The following CALN1 variants were observed in gnomAD, a reference collection of about 807,000 sequenced individuals.
CALN1 encodes calcium-binding protein 8.
Under a neutral mutation model 30.6 loss-of-function variants are expected in CALN1, and 17 were observed. The ratio of observed to expected loss-of-function variants is 0.56; its 90% CI spans 0.38 to 0.83. CALN1 has a LOEUF of 0.83. Among genes scored for constraint, CALN1 ranks in the 40% least tolerant of loss-of-function variants. The probability of loss-of-function intolerance (pLI) is 0.00; values close to 1 mark genes in which losing one functional copy is unlikely to be tolerated. For missense variants in CALN1, 291 were observed against 354.9 expected, an observed-to-expected ratio of 0.82 and a Z score of 1.45; for synonymous variants, 156 against 131.4, an observed-to-expected ratio of 1.19 and a Z score of -1.28.
At chr7:72,068,387 T>C (rs1373472725) in intron 4 of CALN1, among the ~76,000 whole-genome samples, 1 of 152,214 alleles carries the variant, frequency 6.6e-6, no homozygotes, top group Non-Finnish European at 1.5e-5. Flanking sequence ...GCACACCACT[T>C]TGAATCCCAG....
chr7:72,227,536 T>G (rs1793771291), intron 3 of CALN1, among the ~76,000 whole-genome samples: 1 of 115,668 alleles, frequency 8.6e-6, no homozygotes, highest in Admixed American at 8.9e-5. Flanking sequence ...AAAGACTCCG[T>G]CTCAAAAAAA....
intron 2 of CALN1, among the ~76,000 whole-genome samples, chr7:72,349,285 TGTG>T (rs1802803937): frequency 2.7e-4 from 2 of 7,510 alleles, no homozygotes; most frequent in Non-Finnish European, 7.7e-4. Context: ...CGCGTGCTTG[TGTG>T]TGTGTGTGTG....
At chr7:71,869,248 T>C (rs957564817) in intron 5 of CALN1, among the ~76,000 whole-genome samples, 11 of 152,048 alleles carry the variant, frequency 7.2e-5, no homozygotes, top group Admixed American at 2.0e-4. Context: ...TTCACTCTTG[T>C]TGCCCAAGCT....
chr7:72,264,443 G>C (rs1455808902), intron 3 of CALN1, among the ~76,000 whole-genome samples: 1 of 151,898 alleles, frequency 6.6e-6, no homozygotes, highest in Non-Finnish European at 1.5e-5. Flanking sequence ...TTATAGATCT[G>C]TCTGTAGATC....
chr7:72,297,839 C>T (rs1465431915), intron 2 of CALN1, among the ~76,000 whole-genome samples: 2 of 152,150 alleles, frequency 1.3e-5, no homozygotes. Flanking sequence ...TCTTCCCTAA[C>T]GTCAACAGAT....
intron 3 of CALN1, among the ~76,000 whole-genome samples, chr7:72,254,637 A>T (rs1795792850): frequency 1.3e-5 from 2 of 151,976 alleles, no homozygotes; most frequent in Admixed American, 1.3e-4. Flanking sequence ...TTGTTTTTTT[A>T]TTTTTATTTT....
At chr7:72,445,105 C>CAA (rs528780799) in intron 1 of CALN1, among the ~76,000 whole-genome samples, 5 of 128,990 alleles carry the variant, frequency 3.9e-5, no homozygotes, top group African/African-American at 1.6e-4. Flanking sequence ...CACACACACA[C>CAA]AACATTAAGT....
rs566565270 is a variant in CALN1, at chr7:72,258,249, G to A, written c.244+20437C>T. The stretch of plus-strand genomic sequence containing the variant: ...GCAAGAAGTCAAGCTCCTTATCCAT[G>A]GGGCAGCCCTAATTATAGGCAGGCA... On this transcript the variant is annotated intron_variant, in intron 3 of 6. Transcript: ENST00000395275. 2.8e-3 allele frequency among the ~76,000 whole-genome samples: 419 copies of A among 152,250 alleles called. 2 individuals carry two copies. The highest frequency in any genetic ancestry group is 3.7e-3 in the Admixed American group (57 of 15,290).
intron 3 of CALN1, among the ~76,000 whole-genome samples, chr7:72,265,925 G>A (rs977032426): frequency 6.6e-6 from 1 of 152,002 alleles, no homozygotes; most frequent in Non-Finnish European, 1.5e-5. Context: ...TTTGAGCCTA[G>A]GAGTTCCAGA....
intron 3 of CALN1, among the ~76,000 whole-genome samples, chr7:72,236,104 GA>G (rs1794462761): frequency 1.4e-5 from 2 of 147,570 alleles, no homozygotes; most frequent in Admixed American, 6.8e-5. Flanking sequence ...AAGAAAGAAA[GA>G]AAAAAGAAAA....
At chr7:72,135,301 T>C (rs2129543071) in intron 3 of CALN1, among the ~76,000 whole-genome samples, 1 of 152,318 alleles carries the variant, frequency 6.6e-6, no homozygotes, top group African/African-American at 2.4e-5. Flanking sequence ...GGCTTTAAAT[T>C]TACATTGCCC....
At chr7:71,912,873 C>G (rs1477788800) in intron 5 of CALN1, among the ~76,000 whole-genome samples, 1 of 152,136 alleles carries the variant, frequency 6.6e-6, no homozygotes, top group Non-Finnish European at 1.5e-5. Context: ...AAAAACAATC[C>G]ATAAATGAGA....
intron 5 of CALN1, among the ~76,000 whole-genome samples, chr7:71,920,735 T>C (rs1464371834): frequency 6.6e-6 from 1 of 152,196 alleles, no homozygotes; most frequent in East Asian, 1.9e-4. Context: ...GCCTGACACA[T>C]ACCTGATTAA....
chr7:71,938,347 T>C (rs1254906177), intron 5 of CALN1, among the ~76,000 whole-genome samples: 1 of 151,962 alleles, frequency 6.6e-6, no homozygotes, highest in Non-Finnish European at 1.5e-5. Context: ...AAACATTGGG[T>C]AAATAAATCA....
chr7:71,818,860 C>A (rs1347988412), intron 5 of CALN1, among the ~76,000 whole-genome samples: 6 of 151,760 alleles, frequency 4.0e-5, no homozygotes, highest in Non-Finnish European at 8.8e-5. Context: ...CAGGTGTGCA[C>A]CACCATGTCT....
chr7:72,342,079 G>A, intron 2 of CALN1, among the ~76,000 whole-genome samples: 1 of 151,910 alleles, frequency 6.6e-6, no homozygotes. Flanking sequence ...AACATAGGGA[G>A]ACCCCATCTC....
intron 1 of CALN1, among the ~76,000 whole-genome samples, chr7:72,408,560 A>T (rs560123910): frequency 2.0e-5 from 3 of 152,128 alleles, no homozygotes; most frequent in Non-Finnish European, 4.4e-5. Context: ...GGCCCTGGTC[A>T]TCATGGATAA....
chr7:72,353,252 C>CTG (rs1803036904), intron 2 of CALN1, among the ~76,000 whole-genome samples: 1 of 127,344 alleles, frequency 7.9e-6, no homozygotes, highest in Non-Finnish European at 1.8e-5. Context: ...TATGAGGCTA[C>CTG]TGTCTCTCTG....
At chr7:72,126,743 A>G (rs528766861) in intron 3 of CALN1, among the ~76,000 whole-genome samples, 55 of 149,836 alleles carry the variant, frequency 3.7e-4, no homozygotes, top group Non-Finnish European at 6.4e-4. Context: ...TTCACTTAGA[A>G]TAATGGTCTC....
Sources: allele counts gnomAD v4.1 joint callset (sites outside exome capture counted in the v4.1 genomes callset), GRCh38; gene constraint gnomAD v4.1.1; transcripts MANE v1.5; gene names NCBI Gene and HGNC (gene_info 2026-07-23, HGNC 2026-07-21).